Variants in FBXL13 observed in about 807,000 individuals in gnomAD.
FBXL13 encodes the protein F-box and leucine rich repeat protein 13.
FBXL13 carries 67 observed loss-of-function variants against 83.6 expected under a neutral mutation model. The observed-to-expected ratio is 0.80, with a 90% confidence interval of 0.66 to 0.98. FBXL13 has a LOEUF of 0.98. Ranked by LOEUF, FBXL13 falls within the 50% of genes least tolerant of loss-of-function variation. The pLI is 0.00. For synonymous variants in FBXL13, 272 were observed against 299.5 expected, an observed-to-expected ratio of 0.91 and a Z score of 0.95; for missense variants, 822 against 866.5, an observed-to-expected ratio of 0.95 and a Z score of 0.64.
chr7:102,903,939 CTTTTTTTTTT>C (rs1166655004), intron 11 of FBXL13, among the ~76,000 whole-genome samples: 766 of 43,532 alleles, frequency 0.018, 26 homozygotes, highest in African/African-American at 0.073. Flanking sequence ...CTTTTCTTTT[CTTTTTTTTTT>C]TTTTTTTTTT....
At chr7:102,927,071 T>G (rs1003479637) in intron 9 of FBXL13, among the ~76,000 whole-genome samples, 5 of 152,218 alleles carry the variant, frequency 3.3e-5, no homozygotes, top group Admixed American at 2.6e-4. Flanking sequence ...AGTGGGACCA[T>G]GAAATAAGAG....
chr7:102,997,207 C>T (rs1013321268), intron 6 of FBXL13, among the ~76,000 whole-genome samples: 5 of 152,118 alleles, frequency 3.3e-5, no homozygotes, highest in African/African-American at 7.2e-5. Flanking sequence ...TGAATGACCG[C>T]GGAAAACATT....
At chr7:103,063,647 G>A (rs1798126916) in intron 1 of FBXL13, among the ~76,000 whole-genome samples, 1 of 150,416 alleles carries the variant, frequency 6.6e-6, no homozygotes, top group African/African-American at 2.4e-5. Flanking sequence ...AACTGAAGCA[G>A]AGAGATTTGG....
At chr7:103,025,072 T>G in exon 6 of FBXL13, 4 of 1,608,960 alleles carry the variant, frequency 2.5e-6, no homozygotes, top group Non-Finnish European at 3.4e-6. Context: ...CCTGTAATAT[T>G]GCTCTTTCAG....
At chr7:103,043,048 A>T (rs536931071) in intron 2 of FBXL13, among the ~76,000 whole-genome samples, 1 of 152,338 alleles carries the variant, frequency 6.6e-6, no homozygotes, top group East Asian at 1.9e-4. Flanking sequence ...GTAGAATGGG[A>T]GAGAATCTTT....
chr7:102,937,248 C>T (rs1820497484), intron 8 of FBXL13, among the ~76,000 whole-genome samples: 1 of 151,892 alleles, frequency 6.6e-6, no homozygotes. Context: ...GCCTATAATC[C>T]CAGCACTTTG....
chr7:103,055,546 G>T, intron 2 of FBXL13, 98 bp downstream of exon 2: 1 of 437,154 alleles, frequency 2.3e-6, no homozygotes, highest in Non-Finnish European at 3.9e-6. Context: ...TCTTGAGATT[G>T]GAAGCATTCA....
intron 8 of FBXL13, chr7:102,934,783 G>A: frequency 9.1e-7 from 1 of 1,096,868 alleles, no homozygotes; most frequent in Non-Finnish European, 1.3e-6. Context: ...TGGAATTCGT[G>A]ATGTCACTTC....
At chr7:103,024,219 C>A (rs1463328249) in intron 6 of FBXL13, among the ~76,000 whole-genome samples, 1 of 146,236 alleles carries the variant, frequency 6.8e-6, no homozygotes, top group African/African-American at 2.5e-5. Context: ...GACTTTATTA[C>A]ATAAAGCTTT....
intron 16 of FBXL13, among the ~76,000 whole-genome samples, chr7:102,860,679 C>CTGTGTGTGTGTG (rs150779937): frequency 1.1e-4 from 16 of 150,650 alleles, no homozygotes; most frequent in African/African-American, 3.9e-4. Context: ...TTGGAATGCT[C>CTGTGTGTGTGTG]TGTGTGTGTG....
In FBXL13 at chr7:102,926,263, A is replaced by G; in HGVS notation, c.878+11T>C. On this transcript the variant is annotated intron_variant, in intron 10 of 19. Transcript: ENST00000313221. ...TTTTTTTCAGTGTCATACAAATAAC[A>G]CAAACATTACCTCGGCAGGAGTCGC... is the stretch of plus-strand genomic sequence containing the variant. 2 of 1,610,752 alleles carry G rather than the reference A, an allele frequency of 1.2e-6. No individual in the cohort carries two copies. The highest frequency in any genetic ancestry group is 1.7e-6 in the Non-Finnish European group (2 of 1,178,452).
At chr7:102,983,420 C>T (rs914768974) in intron 6 of FBXL13, among the ~76,000 whole-genome samples, 3 of 88,882 alleles carry the variant, frequency 3.4e-5, no homozygotes, top group South Asian at 1.0e-3. Flanking sequence ...TTCTTTTTTC[C>T]CCTTTTTTTT....
chr7:103,002,963 G>A (rs1790559793), intron 6 of FBXL13, among the ~76,000 whole-genome samples: 1 of 152,034 alleles, frequency 6.6e-6, no homozygotes, highest in Non-Finnish European at 1.5e-5. Flanking sequence ...AAAGTTTTCT[G>A]TTATTATTTC....
At chr7:103,069,395 A>C (rs1048749833) in intron 1 of FBXL13, among the ~76,000 whole-genome samples, 13 of 152,188 alleles carry the variant, frequency 8.5e-5, no homozygotes, top group Admixed American at 5.2e-4. Flanking sequence ...TTGATATTAA[A>C]GTTTACTTTT....
At chr7:102,963,565 C>A (rs146927419) in exon 8 of FBXL13, 1 of 1,612,746 alleles carries the variant, frequency 6.2e-7, no homozygotes, top group Non-Finnish European at 8.5e-7. Context: ...TCGGAGAAGA[C>A]AACCACGAAA....
At chr7:102,905,401 C>T (rs1488514982) in intron 11 of FBXL13, among the ~76,000 whole-genome samples, 1 of 152,042 alleles carries the variant, frequency 6.6e-6, no homozygotes, top group Admixed American at 6.6e-5. Context: ...GGTCTTAAAA[C>T]CTATTTTGTC....
intron 8 of FBXL13, among the ~76,000 whole-genome samples, chr7:102,959,713 G>C (rs1178085748): frequency 5.9e-5 from 9 of 151,900 alleles, no homozygotes; most frequent in Non-Finnish European, 8.8e-5. Context: ...CATCTCAAAG[G>C]ATATATAGGT....
At chr7:102,992,898 C>G (rs978413077) in intron 6 of FBXL13, among the ~76,000 whole-genome samples, 1 of 152,170 alleles carries the variant, frequency 6.6e-6, no homozygotes, top group Admixed American at 6.5e-5. Flanking sequence ...TGAGCCACCA[C>G]GCCCAGCCTG....
In FBXL13 at chr7:102,896,908, A is replaced by G. The variant is rs930303139; in HGVS notation, c.1009-12596T>C. 5.9e-5 allele frequency among the ~76,000 whole-genome samples: 9 copies of G among 152,176 alleles called. No homozygotes were observed. The South Asian group carries it at 6.2e-4, about 10-fold the overall frequency. On this transcript the variant is annotated intron_variant, in intron 11 of 19. Coordinates refer to ENST00000313221, the Ensembl canonical transcript of FBXL13. ...CATCAATGAACAATGGATTCCATCA[A>G]TCCATAATAGATGGTGCCTAGATTT... is the stretch of plus-strand genomic sequence containing the variant.
Sources: gnomAD v4.1 joint callset for allele counts (sites outside exome capture counted in the v4.1 genomes callset) on GRCh38, gnomAD v4.1.1 for gene constraint, MANE v1.5 for transcripts, NCBI Gene and HGNC (gene_info 2026-07-23, HGNC 2026-07-21) for gene names.